The following TNFRSF10B variants were observed in gnomAD, a reference collection of about 807,000 sequenced individuals.
TNFRSF10B encodes tumor necrosis factor receptor superfamily member 10B.
TNFRSF10B carries 35 observed loss-of-function variants against 41.4 expected under a neutral mutation model. The ratio of observed to expected loss-of-function variants is 0.85; its 90% CI spans 0.65 to 1.12. The LOEUF is 1.12. Among genes scored for constraint, TNFRSF10B ranks in the 50% most tolerant of loss-of-function variants. The pLI is 0.00. For synonymous variants in TNFRSF10B, 230 were observed against 215.5 expected, an observed-to-expected ratio of 1.07 and a Z score of -0.59; for missense variants, 584 against 552.7, an observed-to-expected ratio of 1.06 and a Z score of -0.57.
At chr8:23,061,095 T>C (rs1001034517) in intron 1 of TNFRSF10B, among the ~76,000 whole-genome samples, 1 of 152,158 alleles carries the variant, frequency 6.6e-6, no homozygotes, top group African/African-American at 2.4e-5. Flanking sequence ...CATCCTGATA[T>C]CCCTGAAACA....
Position 23,021,065 on chromosome 8 carries a change from A to AAT in TNFRSF10B, c.*1604_*1605dup. 2.2e-6 allele frequency: 1 copy of AAT among 454,084 alleles called. No homozygotes were observed. The highest frequency in any genetic ancestry group is 4.4e-6 in the Non-Finnish European group (1 of 226,780). The allele number at this position is 454,084 out of a possible 1,614,324, so 28.1% of individuals were successfully genotyped here. On this transcript the variant is annotated 3_prime_UTR_variant, in exon 9 of 9. Transcript: ENST00000276431. ...AAACCAGTCCCGGAACAAAACACAC[A>AAT]ATGCCTTGAGACAGAAAAGACCAAA...
intron 3 of TNFRSF10B, 123 bp downstream of exon 3, chr8:23,030,636 G>T: frequency 1.4e-6 from 1 of 736,292 alleles, no homozygotes; most frequent in Non-Finnish European, 2.4e-6. Flanking sequence ...CAAAATCATG[G>T]AACATGGTAT....
At position 23,024,278 on chromosome 8, in the gene TNFRSF10B, G is replaced by T; in HGVS notation, c.937-18C>A. The T allele has an allele frequency of 6.2e-7, 1 of 1,613,880 alleles. No individual in the cohort carries two copies. The highest frequency in any genetic ancestry group is 1.7e-4 in the Middle Eastern group (1 of 6,056). On this transcript the variant is annotated intron_variant, in intron 7 of 8. Transcript: ENST00000276431. ...GCCGGTTCCTGTAACACATAGTGGG[G>T]AATGTCCTGGTCAGAGCCAGGAGTC...
In TNFRSF10B at chr8:23,021,925, T is replaced by C. The variant is rs1260145916; in HGVS notation, c.*746A>G. 1 of 453,224 alleles carries C rather than the reference T, an allele frequency of 2.2e-6. No homozygotes were observed. Among genetic ancestry groups the C allele is most frequent in the African/African-American group, 2.0e-5 (1 of 50,000 alleles). The allele number at this position is 453,224 out of a possible 1,614,324, so 28.1% of individuals were successfully genotyped here. ...GTAAACAAGTACATTTACTAAAGTTTCTTCATGTTCATAAAATAATAACAT... is the reference window on the plus strand; with the variant it reads ...GTAAACAAGTACATTTACTAAAGTTCCTTCATGTTCATAAAATAATAACAT... On this transcript the variant is annotated 3_prime_UTR_variant, in exon 9 of 9. Coordinates refer to ENST00000276431, the MANE Select transcript of TNFRSF10B (RefSeq NM_003842.5).
chr8:23,068,837 G>A lies in TNFRSF10B; in HGVS notation c.58C>T (p.Pro20Ser). Reference sequence around the variant, plus strand: ...GCTCCCCGCGCCTCCCTGGGTCCTGGGCCGTGCCTTTTCCGGGCCCCCGAA... The same window carrying A: ...GCTCCCCGCGCCTCCCTGGGTCCTGAGCCGTGCCTTTTCCGGGCCCCCGAA... ...AASGARKRHG[P>S]GPREARGARP... The change falls in exon 1 of 9, where the codon CCA becomes TCA. Residue 20 changes from proline (P) to serine (S), a missense_variant. Transcript: ENST00000276431. The A allele has an allele frequency of 1.2e-6, 2 of 1,613,190 alleles. No homozygotes were observed. Among genetic ancestry groups the A allele is most frequent in the Non-Finnish European group, 1.7e-6 (2 of 1,179,910 alleles).
intron 1 of TNFRSF10B, 109 bp downstream of exon 1, chr8:23,068,642 G>C: frequency 6.8e-7 from 1 of 1,470,826 alleles, no homozygotes; most frequent in South Asian, 1.3e-5. Flanking sequence ...GGACATGCCC[G>C]GCCGCAGGCG....
chr8:23,028,665 A>G (rs1811785947), intron 4 of TNFRSF10B, 63 bp from the exon 5 acceptor site: 4 of 1,599,500 alleles, frequency 2.5e-6, no homozygotes, highest in Non-Finnish European at 3.4e-6. Flanking sequence ...GTGGGATGAA[A>G]GAGGAGCCAC....
chr8:23,047,606 C>G (rs1386167927), intron 1 of TNFRSF10B, among the ~76,000 whole-genome samples: 2 of 150,414 alleles, frequency 1.3e-5, no homozygotes, highest in Non-Finnish European at 3.0e-5. Context: ...AAAAAAAAAA[C>G]TCAACATCAC....
chr8:23,049,091 C>T (rs1167919867), intron 1 of TNFRSF10B, among the ~76,000 whole-genome samples: 1 of 152,244 alleles, frequency 6.6e-6, no homozygotes, highest in East Asian at 1.9e-4. Flanking sequence ...TGTGAAGAAA[C>T]TGGAACCTTC....
rs34761330 is a variant in TNFRSF10B, at chr8:23,055,521, TAAAAA to T, written c.145-12283_145-12279del. Among the ~76,000 whole-genome samples the T allele has an allele frequency of 6.6e-5, 8 of 120,538 alleles. No homozygotes were observed. The East Asian group carries it at 1.9e-3, about 28-fold the overall frequency. 79.1% of individuals were successfully genotyped at this position (120,538 alleles called of 152,430 possible). A position where few individuals can be genotyped will look rare whatever the true frequency, so the allele number is the denominator to read the frequency against. ...GTGCTTAAGTTAACTATTAAATGCT[TAAAAA>T]AAAAAAAAAAAAAGCCAGTGCCCTT... On this transcript the variant is annotated intron_variant, in intron 1 of 8. Coordinates refer to ENST00000276431, the MANE Select transcript of TNFRSF10B (RefSeq NM_003842.5).
chr8:23,058,120 G>A (rs964359122), intron 1 of TNFRSF10B, among the ~76,000 whole-genome samples: 3 of 152,108 alleles, frequency 2.0e-5, no homozygotes, highest in African/African-American at 7.2e-5. Context: ...GGTGATGCAT[G>A]CCTGTAATCC....
At chr8:23,050,932 G>C (rs1812505013) in intron 1 of TNFRSF10B, among the ~76,000 whole-genome samples, 1 of 152,150 alleles carries the variant, frequency 6.6e-6, no homozygotes, top group African/African-American at 2.4e-5. Context: ...AAATTAACCA[G>C]GCATGGTGGC....
chr8:23,028,017 C>G, intron 5 of TNFRSF10B: 1 of 603,174 alleles, frequency 1.7e-6, no homozygotes, highest in Non-Finnish European at 2.9e-6. Context: ...ACTTCTCATC[C>G]TCACCCTTGT....
chr8:23,021,056 A>C lies in TNFRSF10B; in HGVS notation c.*1615T>G, dbSNP rs987055592. The stretch of plus-strand genomic sequence containing the variant: ...GTCCCACCCAAACCAGTCCCGGAAC[A>C]AAACACACAATGCCTTGAGACAGAA... On this transcript the variant is annotated 3_prime_UTR_variant, in exon 9 of 9. Coordinates refer to ENST00000276431, the MANE Select transcript of TNFRSF10B (RefSeq NM_003842.5). 2 of 454,036 alleles carry C rather than the reference A, an allele frequency of 4.4e-6. No homozygotes were observed. Among genetic ancestry groups the C allele is most frequent in the Non-Finnish European group, 8.8e-6 (2 of 226,804 alleles). 28.1% of individuals were successfully genotyped at this position (454,036 alleles called of 1,614,324 possible). A position where few individuals can be genotyped will look rare whatever the true frequency, so the allele number is the denominator to read the frequency against.
At chr8:23,039,324 A>G (rs978743139) in intron 2 of TNFRSF10B, among the ~76,000 whole-genome samples, 103 of 152,058 alleles carry the variant, frequency 6.8e-4, no homozygotes, top group African/African-American at 2.3e-3. Flanking sequence ...TAGAGAGATA[A>G]AGATTTATCT....
In TNFRSF10B at chr8:23,068,731, G is replaced by C. The variant is rs199856853; in HGVS notation, c.144+20C>G. On this transcript the variant is annotated intron_variant, in intron 1 of 8. Transcript: ENST00000276431. ...GCCAGGCACGCTCTTCCCCAGCCAG[G>C]GACCGCGGCGGGGACTCACCAACAG... The C allele has an allele frequency of 2.8e-3, 4,333 of 1,561,766 alleles. 8 individuals are homozygous for C. Among genetic ancestry groups the C allele is most frequent in the South Asian group, 3.8e-3 (331 of 86,464 alleles).
intron 1 of TNFRSF10B, among the ~76,000 whole-genome samples, chr8:23,053,402 G>A (rs911903562): frequency 6.6e-6 from 1 of 152,142 alleles, no homozygotes; most frequent in East Asian, 1.9e-4. Context: ...TATACTTTTG[G>A]TAAAAAGATT....
intron 7 of TNFRSF10B, among the ~76,000 whole-genome samples, 176 bp from the exon 8 acceptor site, chr8:23,024,436 A>G (rs1392045339): frequency 6.6e-6 from 1 of 152,188 alleles, no homozygotes; most frequent in Non-Finnish European, 1.5e-5. Flanking sequence ...GGAGGCCGAT[A>G]CAGCAGTCAA....
intron 7 of TNFRSF10B, among the ~76,000 whole-genome samples, chr8:23,025,710 TA>T (rs1242369185): frequency 6.6e-6 from 1 of 151,954 alleles, no homozygotes; most frequent in African/African-American, 2.4e-5. Context: ...TGGGAAAGAG[TA>T]AAGAAGGCTC....
Sources: gnomAD v4.1 joint callset for allele counts (sites outside exome capture counted in the v4.1 genomes callset) on GRCh38, gnomAD v4.1.1 for gene constraint, MANE v1.5 for transcripts, NCBI Gene and HGNC (gene_info 2026-07-23, HGNC 2026-07-21) for gene names.